Variants in RANBP2 observed in about 807,000 individuals in gnomAD.
RANBP2 encodes the protein E3 SUMO-protein ligase RanBP2.
RANBP2 carries 57 observed loss-of-function variants against 303.6 expected under a neutral mutation model. The ratio of observed to expected loss-of-function variants is 0.19; its 90% confidence interval spans 0.15 to 0.23. The LOEUF (loss-of-function observed/expected upper bound fraction) is 0.23, where lower values mean the gene tolerates loss of function less well. RANBP2 is among the 10% of genes least tolerant of loss of function. The pLI is 1.00. For synonymous variants in RANBP2, 1,167 were observed against 1,301.5 expected, an observed-to-expected ratio of 0.90 and a Z score of 2.23; for missense variants, 3,138 against 3,780.8, an observed-to-expected ratio of 0.83 and a Z score of 4.46.
chr2:109,710,082 G>A, the RANBP2 span, among the ~76,000 whole-genome samples: 11 of 132,250 alleles, frequency 8.3e-5, no homozygotes, highest in Non-Finnish European at 1.3e-4. Context: ...GCAAGACTCC[G>A]TCTCAAAAAA....
the RANBP2 span, among the ~76,000 whole-genome samples, chr2:108,957,685 C>G: frequency 6.6e-6 from 1 of 152,240 alleles, no homozygotes; most frequent in Non-Finnish European, 1.5e-5. Flanking sequence ...ATGTCCAAAC[C>G]CCATCCTTCA....
the RANBP2 span, among the ~76,000 whole-genome samples, chr2:109,183,156 A>G: frequency 1.3e-5 from 2 of 152,238 alleles, no homozygotes; most frequent in African/African-American, 4.8e-5. Context: ...TCCAAAACTG[A>G]CCCAGAATTG....
At chr2:109,172,111 A>G in the RANBP2 span, among the ~76,000 whole-genome samples, 1 of 152,226 alleles carries the variant, frequency 6.6e-6, no homozygotes, top group Non-Finnish European at 1.5e-5. Flanking sequence ...GTTCCAGGCA[A>G]TGACCTGGGG....
chr2:109,568,055 GT>G, the RANBP2 span: 1 of 1,119,638 alleles, frequency 8.9e-7, no homozygotes, highest in Admixed American at 2.6e-5. Context: ...ACTCAAAACT[GT>G]TCATTCTGAC....
At chr2:109,189,360 C>T in the RANBP2 span, among the ~76,000 whole-genome samples, 4 of 134,204 alleles carry the variant, frequency 3.0e-5, no homozygotes, top group African/African-American at 8.1e-5. Flanking sequence ...CGTGTTCAGT[C>T]GTTTGACTTT....
At chr2:109,134,469 C>T in the RANBP2 span, among the ~76,000 whole-genome samples, 5 of 152,222 alleles carry the variant, frequency 3.3e-5, no homozygotes, top group South Asian at 2.1e-4. Context: ...TTGCAGCCAG[C>T]GAGTGAATAA....
chr2:109,212,033 TAACTGGTGGGCTTTGCGG>T, the RANBP2 span, among the ~76,000 whole-genome samples: 3 of 152,228 alleles, frequency 2.0e-5, no homozygotes, highest in Non-Finnish European at 2.9e-5. Flanking sequence ...TGCATTGGTG[TAACTGGTGGGCTTTGCGG>T]AATTCCAGGG....
chr2:109,386,310 A>G, the RANBP2 span, among the ~76,000 whole-genome samples: 1 of 152,066 alleles, frequency 6.6e-6, no homozygotes, highest in Non-Finnish European at 1.5e-5. Flanking sequence ...TACAGGTGAC[A>G]TTGTGTGGCT....
At chr2:108,944,562 C>T in the RANBP2 span, among the ~76,000 whole-genome samples, 147 of 152,244 alleles carry the variant, frequency 9.7e-4, no homozygotes, top group Middle Eastern at 3.4e-3. Context: ...TGATAATGGG[C>T]TCCTTCACAA....
chr2:109,039,642 C>T, the RANBP2 span, among the ~76,000 whole-genome samples: 5,505 of 152,280 alleles, frequency 0.036, 334 homozygotes, highest in African/African-American at 0.12. Flanking sequence ...AGCCACTGTG[C>T]CCGGCCTTCA....
the RANBP2 span, among the ~76,000 whole-genome samples, chr2:109,252,789 G>T: frequency 1.3e-5 from 2 of 152,172 alleles, no homozygotes; most frequent in Admixed American, 6.5e-5. Context: ...GTATAATAAA[G>T]TGTTGAATAT....
rs1320086693 is a variant in RANBP2, at chr2:108,785,687, TCTTTGTTATTTA to T, written c.*1787_*1798del. 1.3e-5 allele frequency: 2 copies of T among 152,264 alleles called. No individual in the cohort carries two copies. The highest frequency in any genetic ancestry group is 2.9e-5 in the Non-Finnish European group (2 of 68,036). The allele number at this position is 152,264 out of a possible 1,614,324, so 9.4% of individuals were successfully genotyped here. A position where few individuals can be genotyped will look rare whatever the true frequency, so the allele number is the denominator to read the frequency against. The stretch of plus-strand genomic sequence containing the variant: ...CATTTCAGGAAAGGACTTTGATTTC[TCTTTGTTATTTA>T]ATCACTGATGTGGTCTAAACCCACG... On this transcript the variant is annotated 3_prime_UTR_variant, in exon 29 of 29. Coordinates refer to ENST00000283195, the MANE Select transcript of RANBP2 (RefSeq NM_006267.5).
At chr2:109,629,555 G>C in the RANBP2 span, among the ~76,000 whole-genome samples, 1 of 151,800 alleles carries the variant, frequency 6.6e-6, no homozygotes, top group African/African-American at 2.4e-5. Context: ...GCTCACACCT[G>C]TAATCCTAGC....
the RANBP2 span, among the ~76,000 whole-genome samples, chr2:109,191,357 A>G: frequency 3.9e-5 from 6 of 152,388 alleles, no homozygotes; most frequent in Non-Finnish European, 7.3e-5. Flanking sequence ...GGGGCCTTGC[A>G]GTACCAGCGG....
At chr2:108,757,182 CAATTTCTTTGGAA>C (rs1676381756) in intron 17 of RANBP2, among the ~76,000 whole-genome samples, 1 of 152,158 alleles carries the variant, frequency 6.6e-6, no homozygotes, top group Non-Finnish European at 1.5e-5. Context: ...GATACCACTA[CAATTTCTTTGGAA>C]AAAGAATTTC....
chr2:108,765,144 A>T lies in RANBP2; in HGVS notation c.4605A>T (p.Gly1535=). ...AGACAAGTAAAACTCTAAAAAGTGG[A>T]TTTGAAGACATGTTTGCTAAGAAGG... ...TSETSKTLKS[G]FEDMFAKKEG... Residue 1535 remains glycine (G), a synonymous_variant, in exon 20 of 29, where the codon GGA becomes GGT. Coordinates refer to ENST00000283195, the MANE Select transcript of RANBP2 (RefSeq NM_006267.5). 6.2e-7 allele frequency: 1 copy of T among 1,613,938 alleles called. No homozygotes were observed. Among genetic ancestry groups the T allele is most frequent in the Non-Finnish European group, 8.5e-7 (1 of 1,179,928 alleles).
At chr2:109,015,746 A>T in the RANBP2 span, among the ~76,000 whole-genome samples, 42 of 152,328 alleles carry the variant, frequency 2.8e-4, no homozygotes, top group East Asian at 7.7e-3. Flanking sequence ...CGACAGAGCA[A>T]GACTCTGTCT....
chr2:109,722,449 G>C, the RANBP2 span, among the ~76,000 whole-genome samples: 1 of 152,198 alleles, frequency 6.6e-6, no homozygotes, highest in African/African-American at 2.4e-5. Flanking sequence ...CCCAAGGATA[G>C]CACATTCCCC....
chr2:109,545,969 G>A, the RANBP2 span: 4 of 1,493,798 alleles, frequency 2.7e-6, no homozygotes, highest in South Asian at 5.6e-5. Context: ...GGAAGCAGAA[G>A]TAAGAAGCGC....
Sources: allele counts gnomAD v4.1 joint callset (sites outside exome capture counted in the v4.1 genomes callset), GRCh38; gene constraint gnomAD v4.1.1; transcripts MANE v1.5; gene names NCBI Gene and HGNC (gene_info 2026-07-23, HGNC 2026-07-21).